Variants in XRN1 observed in about 807,000 individuals in gnomAD.
XRN1 encodes the protein strand-exchange protein 1 homolog.
A neutral mutation model predicts 222.3 loss-of-function variants in XRN1; 67 were observed. The ratio of observed to expected loss-of-function variants is 0.30; its 90% CI spans 0.25 to 0.37. The LOEUF (loss-of-function observed/expected upper bound fraction) is 0.37, where lower values mean the gene tolerates loss of function less well. XRN1 is among the 10% of genes least tolerant of loss of function. The pLI is 1.00. For synonymous variants in XRN1, 643 were observed against 652.4 expected, an observed-to-expected ratio of 0.99 and a Z score of 0.22; for missense variants, 1,707 against 2,000.2, an observed-to-expected ratio of 0.85 and a Z score of 2.80.
chr3:142,431,856 T>TTTA (rs1553744575), intron 2 of XRN1, among the ~76,000 whole-genome samples: 2,711 of 37,100 alleles, frequency 0.073, 286 homozygotes, highest in African/African-American at 0.32. Flanking sequence ...AATATATATA[T>TTTA]TATATATAAT....
intron 5 of XRN1, 67 bp downstream of exon 5, chr3:142,425,155 C>A (rs1310091159): frequency 3.5e-6 from 4 of 1,144,890 alleles, no homozygotes; most frequent in African/African-American, 1.6e-5. Context: ...GCTTCCTGTA[C>A]AAAATGAAAT....
intron 37 of XRN1, among the ~76,000 whole-genome samples, chr3:142,327,498 C>T (rs184915849): frequency 5.3e-5 from 8 of 150,326 alleles, no homozygotes; most frequent in Admixed American, 2.0e-4. Context: ...TTTTACAGTC[C>T]GGCTAAAGGT....
rs761079999 is a variant in XRN1, at chr3:142,375,980, A to G, written c.2832-36T>C. 6.1e-6 allele frequency: 9 copies of G among 1,469,530 alleles called. No individual in the cohort carries two copies. The South Asian group carries it at 1.1e-4, about 18-fold the overall frequency. 91.0% of individuals were successfully genotyped at this position (1,469,530 alleles called of 1,614,324 possible). A position where few individuals can be genotyped will look rare whatever the true frequency, so the allele number is the denominator to read the frequency against. ...ACCACACATGCGCACACGTGCACAC[A>G]CACACACACACACACACACACGAGT... On this transcript the variant is annotated intron_variant, in intron 24 of 40. Coordinates refer to ENST00000392981, the MANE Select transcript of XRN1 (RefSeq NM_001282857.2).
intron 19 of XRN1, among the ~76,000 whole-genome samples, chr3:142,398,319 A>G (rs1045261937): frequency 1.3e-5 from 2 of 152,146 alleles, no homozygotes; most frequent in African/African-American, 4.8e-5. Context: ...AAACATTTTT[A>G]AAGAGTTAAA....
Position 142,359,944 on chromosome 3 carries a change from G to A in XRN1, c.3395-13C>T, listed in dbSNP as rs115668967. The A allele has an allele frequency of 1.8e-3, 2,771 of 1,564,228 alleles. 46 individuals carry two copies. In the African/African-American group the frequency reaches 0.033, roughly 19 times the overall value. On this transcript the variant is annotated splice_polypyrimidine_tract_variant and intron_variant, in intron 29 of 40. Transcript: ENST00000392981. Reference sequence around the variant, plus strand: ...GCTTCTCTATTAGCTGTTACAATAGGGAGAGAAAAAGAGACACTAAAAAAT... The same window carrying A: ...GCTTCTCTATTAGCTGTTACAATAGAGAGAGAAAAAGAGACACTAAAAAAT...
Position 142,318,609 on chromosome 3 carries a change from G to C in XRN1, c.4604C>G (p.Ala1535Gly), listed in dbSNP as rs1401008711. The C allele has an allele frequency of 6.2e-7, 1 of 1,606,844 alleles. No individual in the cohort carries two copies. Among genetic ancestry groups the C allele is most frequent in the Non-Finnish European group, 8.5e-7 (1 of 1,177,126 alleles). The change falls in exon 39 of 41, where the codon GCC becomes GGC. Residue 1535 changes from alanine to glycine, a missense_variant. This residue lies in a region of XRN1 where 473 missense variants were observed against 482.0 expected (regional missense o/e 0.98). Transcript: ENST00000392981. ...TATCTTACCAGTAGGTGGGGGAAAGGCTGGAGGAATGGTTCCAGGTGGTAC... is the reference window on the plus strand; with the variant it reads ...TATCTTACCAGTAGGTGGGGGAAAGCCTGGAGGAATGGTTCCAGGTGGTAC... The part of the protein sequence containing the change: ...SAVPPGTIPP[A>G]FPPPTANIMP...
chr3:142,371,825 T>TA (rs2067000337), intron 25 of XRN1, among the ~76,000 whole-genome samples: 1 of 152,056 alleles, frequency 6.6e-6, no homozygotes, highest in Non-Finnish European at 1.5e-5. Context: ...GACAATATAG[T>TA]ATAAAAAAGA....
intron 33 of XRN1, among the ~76,000 whole-genome samples, chr3:142,340,740 A>C (rs1470673539): frequency 6.6e-6 from 1 of 152,216 alleles, no homozygotes; most frequent in African/African-American, 2.4e-5. Context: ...TTTCAGTGGA[A>C]ATCTTACAGG....
rs1296126083 is a variant in XRN1 at position 142,377,202 on chromosome 3, GA to G, written c.2716-609del. On this transcript the variant is annotated intron_variant, in intron 23 of 40. Transcript: ENST00000392981. Reference sequence around the variant, plus strand: ...ACCTTAATTTATATACTTAAGGGAAGAAAACATATTGTCACATTAAAAAAAA... The same window carrying G: ...ACCTTAATTTATATACTTAAGGGAAGAAACATATTGTCACATTAAAAAAAA... Among the ~76,000 whole-genome samples, 5 of 143,644 alleles carry G rather than the reference GA, an allele frequency of 3.5e-5. No individual in the cohort carries two copies. In the South Asian group the frequency reaches 8.7e-4, roughly 25 times the overall value. 94.2% of individuals were successfully genotyped at this position (143,644 alleles called of 152,430 possible).
intron 25 of XRN1, among the ~76,000 whole-genome samples, chr3:142,373,890 G>A (rs1028160156): frequency 6.6e-6 from 1 of 152,184 alleles, no homozygotes; most frequent in Non-Finnish European, 1.5e-5. Flanking sequence ...GCTGAGGTAG[G>A]AGAATCACTT....
intron 32 of XRN1, among the ~76,000 whole-genome samples, chr3:142,351,460 G>C (rs1170298224): frequency 6.6e-6 from 1 of 152,166 alleles, no homozygotes; most frequent in Admixed American, 6.5e-5. Flanking sequence ...TGGGAACCTT[G>C]AAAGGGCAGT....
intron 35 of XRN1, 98 bp downstream of exon 35, chr3:142,332,869 C>G (rs1449540382): frequency 2.0e-6 from 3 of 1,490,132 alleles, no homozygotes; most frequent in African/African-American, 1.4e-5. Flanking sequence ...ACATACCAGC[C>G]TCCATGATGG....
intron 29 of XRN1, among the ~76,000 whole-genome samples, chr3:142,362,275 T>C (rs1323660377): frequency 1.3e-5 from 2 of 152,108 alleles, no homozygotes; most frequent in Non-Finnish European, 2.9e-5. Flanking sequence ...GTAGCTGGGA[T>C]TACAGGCATG....
At chr3:142,344,976 A>G (rs751153950) in intron 33 of XRN1, among the ~76,000 whole-genome samples, 2 of 152,216 alleles carry the variant, frequency 1.3e-5, no homozygotes, top group Non-Finnish European at 2.9e-5. Context: ...AGAGGGCTCA[A>G]ACTTCCTGAT....
At chr3:142,312,225 C>T (rs1234957325) in intron 40 of XRN1, among the ~76,000 whole-genome samples, 1 of 151,892 alleles carries the variant, frequency 6.6e-6, no homozygotes, top group Non-Finnish European at 1.5e-5. Context: ...TGCAGGGAGT[C>T]GAGATTGTGC....
intron 39 of XRN1, among the ~76,000 whole-genome samples, chr3:142,314,927 A>AT (rs2065168901): frequency 6.7e-6 from 1 of 148,680 alleles, no homozygotes; most frequent in Non-Finnish European, 1.5e-5. Flanking sequence ...AAAAAAAAAA[A>AT]AAAAAAATCC....
At chr3:142,400,626 C>G (rs886324435) in intron 18 of XRN1, 79 bp from the exon 19 acceptor site, 107 of 1,128,722 alleles carry the variant, frequency 9.5e-5, no homozygotes, top group Non-Finnish European at 1.2e-4. Context: ...TTTCCAATCT[C>G]CATTTAAGTT....
At chr3:142,360,343 C>T (rs920178479) in intron 29 of XRN1, among the ~76,000 whole-genome samples, 1 of 152,092 alleles carries the variant, frequency 6.6e-6, no homozygotes, top group Non-Finnish European at 1.5e-5. Flanking sequence ...GAGATTCACC[C>T]ACGTAAACAT....
intron 25 of XRN1, among the ~76,000 whole-genome samples, chr3:142,373,160 T>G (rs1436517788): frequency 6.6e-6 from 1 of 152,008 alleles, no homozygotes; most frequent in Non-Finnish European, 1.5e-5. Context: ...GAGAAATAAA[T>G]GAAGATATTC....
Sources: gnomAD v4.1 joint callset for allele counts (sites outside exome capture counted in the v4.1 genomes callset) on GRCh38, gnomAD v4.1.1 for gene constraint, gnomAD v4.1.1 regional missense constraint, MANE v1.5 for transcripts, NCBI Gene and HGNC (gene_info 2026-07-23, HGNC 2026-07-21) for gene names.